The following FCHO2 variants were observed in gnomAD, a reference collection of about 807,000 sequenced individuals.
FCHO2 encodes FCH and mu domain containing endocytic adaptor 2, also known as F-BAR domain only protein 2.
A neutral mutation model predicts 114.1 loss-of-function variants in FCHO2; 43 were observed. The ratio of observed to expected loss-of-function variants is 0.38; its 90% CI spans 0.30 to 0.49. FCHO2 has a LOEUF of 0.49. FCHO2 is among the 20% of genes least tolerant of loss of function. The probability of loss-of-function intolerance (pLI) is 0.97; values close to 1 mark genes in which losing one functional copy is unlikely to be tolerated. For missense variants in FCHO2, 807 were observed against 950.4 expected (o/e 0.85, Z 1.98); for synonymous variants, 293 against 315.2 (o/e 0.93, Z 0.75).
chr5:72,997,045 T>C (rs1754157947), intron 5 of FCHO2: 2 of 1,350,602 alleles, frequency 1.5e-6, no homozygotes, highest in Non-Finnish European at 2.1e-6. Context: ...CTGTTCGATA[T>C]GATATCATCC....
intron 25 of FCHO2, 132 bp from the exon 26 acceptor site, chr5:73,087,936 A>G: frequency 7.1e-7 from 1 of 1,401,032 alleles, no homozygotes; most frequent in Admixed American, 1.9e-5. Flanking sequence ...ATAGCTGAAC[A>G]CCTGTTATCT....
At chr5:73,032,365 C>T (rs1350022290) in intron 8 of FCHO2, among the ~76,000 whole-genome samples, 1 of 151,960 alleles carries the variant, frequency 6.6e-6, no homozygotes, top group Non-Finnish European at 1.5e-5. Flanking sequence ...AGTGATTTGG[C>T]ATCTTTCAAA....
chr5:73,074,154 T>G (rs943497383), intron 19 of FCHO2, among the ~76,000 whole-genome samples: 4 of 151,810 alleles, frequency 2.6e-5, no homozygotes, highest in African/African-American at 9.7e-5. Flanking sequence ...CTCTAAAAGG[T>G]GTCTTATCTG....
chr5:73,036,451 G>A (rs1241194806), intron 9 of FCHO2, among the ~76,000 whole-genome samples: 1 of 151,842 alleles, frequency 6.6e-6, no homozygotes, highest in Non-Finnish European at 1.5e-5. Context: ...ACAGCTCACT[G>A]CAGCCTCCAT....
intron 8 of FCHO2, 82 bp downstream of exon 8, chr5:73,017,390 T>C: frequency 1.3e-6 from 1 of 798,176 alleles, no homozygotes; most frequent in Non-Finnish European, 1.9e-6. Context: ...ATCATGTGGG[T>C]AAGGGGTAAT....
intron 11 of FCHO2, among the ~76,000 whole-genome samples, chr5:73,042,690 C>T (rs1365240522): frequency 6.6e-6 from 1 of 152,040 alleles, no homozygotes; most frequent in Non-Finnish European, 1.5e-5. Context: ...AGCATCTTTG[C>T]AAGACGTGAC....
At chr5:73,049,461 G>GT (rs773959065) in intron 11 of FCHO2, among the ~76,000 whole-genome samples, 3 of 151,850 alleles carry the variant, frequency 2.0e-5, no homozygotes, top group Admixed American at 6.6e-5. Flanking sequence ...GTCTTATCCT[G>GT]TTTTTTCTTG....
intron 1 of FCHO2, among the ~76,000 whole-genome samples, chr5:72,962,812 GA>G (rs1751941289): frequency 6.6e-6 from 1 of 151,942 alleles, no homozygotes; most frequent in African/African-American, 2.4e-5. Flanking sequence ...AGGATTGCTT[GA>G]ACCCGGGTGG....
chr5:73,054,668 G>A lies in FCHO2; in HGVS notation c.1210+119G>A, dbSNP rs188555112. 922 of 653,058 alleles carry A rather than the reference G, an allele frequency of 1.4e-3. 18 individuals are homozygous for A. In the Admixed American group the frequency reaches 0.021, roughly 15 times the overall value. The allele number at this position is 653,058 out of a possible 1,614,324, so 40.5% of individuals were successfully genotyped here. A position where few individuals can be genotyped will look rare whatever the true frequency, so the allele number is the denominator to read the frequency against. ...CTTTTCTCATCATGAGCCCTACTGC[G>A]TGGCTAGAAGGATAATTATTTTAAA... On this transcript the variant is annotated intron_variant, in intron 15 of 25. Coordinates refer to ENST00000430046, the MANE Select transcript of FCHO2 (RefSeq NM_138782.3).
rs1411977711 is a variant in FCHO2 at position 73,077,639 on chromosome 5, G to A, written c.1847+146G>A. 14 of 842,520 alleles carry A rather than the reference G, an allele frequency of 1.7e-5. No homozygotes were observed. The East Asian group carries it at 2.6e-4, about 16-fold the overall frequency. 52.2% of individuals were successfully genotyped at this position (842,520 alleles called of 1,614,324 possible). Reference sequence around the variant, plus strand: ...GAGCCCAGTTGTTCAAAACCAGCCTGAGCAATGTGGCAAAACCCCATCTCT... The same window carrying A: ...GAGCCCAGTTGTTCAAAACCAGCCTAAGCAATGTGGCAAAACCCCATCTCT... On this transcript the variant is annotated intron_variant, in intron 21 of 25. Coordinates refer to ENST00000430046, the MANE Select transcript of FCHO2 (RefSeq NM_138782.3).
At chr5:73,066,235 A>T (rs758973618) in intron 18 of FCHO2, among the ~76,000 whole-genome samples, 1 of 152,024 alleles carries the variant, frequency 6.6e-6, no homozygotes, top group Admixed American at 6.6e-5. Flanking sequence ...AGAGCCTTCT[A>T]GAAACCACCC....
At chr5:72,973,580 G>C in intron 2 of FCHO2, among the ~76,000 whole-genome samples, 1 of 151,108 alleles carries the variant, frequency 6.6e-6, no homozygotes, top group African/African-American at 2.4e-5. Context: ...GCGTCTATTT[G>C]ATTCTTCTCT....
intron 10 of FCHO2, among the ~76,000 whole-genome samples, chr5:73,038,280 T>C (rs773131563): frequency 3.9e-5 from 6 of 152,206 alleles, no homozygotes; most frequent in Non-Finnish European, 5.9e-5. Context: ...AACCTCAACA[T>C]AGGTTTTGCT....
At chr5:72,981,942 C>G (rs1753234531) in intron 2 of FCHO2, among the ~76,000 whole-genome samples, 1 of 152,166 alleles carries the variant, frequency 6.6e-6, no homozygotes, top group Admixed American at 6.5e-5. Flanking sequence ...CTGAAGCCTA[C>G]TTCTGTCAGT....
At chr5:73,083,037 CT>C (rs1314271154) in intron 24 of FCHO2, among the ~76,000 whole-genome samples, 1 of 151,814 alleles carries the variant, frequency 6.6e-6, no homozygotes, top group Non-Finnish European at 1.5e-5. Context: ...CCACACCCAA[CT>C]AATTTTTGTT....
At chr5:73,017,375 T>A in intron 8 of FCHO2, 67 bp downstream of exon 8, 1 of 982,356 alleles carries the variant, frequency 1.0e-6, no homozygotes, top group Non-Finnish European at 1.5e-6. Context: ...ATATTTGCCT[T>A]GAAGATCATG....
chr5:73,074,073 A>G (rs1220965016), intron 19 of FCHO2, among the ~76,000 whole-genome samples: 2 of 151,972 alleles, frequency 1.3e-5, no homozygotes, highest in African/African-American at 2.4e-5. Flanking sequence ...ATAAACAGAA[A>G]CCTGAACACT....
chr5:73,058,073 C>G (rs1174288941), intron 16 of FCHO2, among the ~76,000 whole-genome samples: 2 of 151,940 alleles, frequency 1.3e-5, no homozygotes, highest in Admixed American at 1.3e-4. Flanking sequence ...TACAGTGGTG[C>G]AATCATAGCT....
intron 8 of FCHO2, among the ~76,000 whole-genome samples, chr5:73,018,463 G>A (rs1180104462): frequency 2.0e-5 from 3 of 151,206 alleles, no homozygotes; most frequent in African/African-American, 7.3e-5. Flanking sequence ...TGGGATTCTG[G>A]ACTTGGTTTC....
Sources: gnomAD v4.1 joint callset for allele counts (sites outside exome capture counted in the v4.1 genomes callset) on GRCh38, gnomAD v4.1.1 for gene constraint, MANE v1.5 for transcripts, NCBI Gene and HGNC (gene_info 2026-07-23, HGNC 2026-07-21) for gene names.